The following SSBP1 variants were observed in gnomAD, a reference collection of about 807,000 sequenced individuals.
The protein encoded by SSBP1 is single-stranded DNA-binding protein, mitochondrial.
A neutral mutation model predicts 27.0 loss-of-function variants in SSBP1; 20 were observed. The observed-to-expected ratio is 0.74, with a 90% CI of 0.52 to 1.08. The LOEUF (loss-of-function observed/expected upper bound fraction) is 1.08, where lower values mean the gene tolerates loss of function less well. Ranked by LOEUF, SSBP1 falls within the 50% of genes least tolerant of loss-of-function variation. SSBP1 has a pLI of 0.00. For synonymous variants in SSBP1, 59 were observed against 59.3 expected (o/e 1.00, Z 0.02); for missense variants, 137 against 182.4 (o/e 0.75, Z 1.44).
Position 141,750,363 on chromosome 7 carries a change from ATTC to A in SSBP1, c.*15_*17del, listed in dbSNP as rs372771747. On this transcript the variant is annotated 3_prime_UTR_variant, in exon 7 of 7. Coordinates refer to ENST00000265304, the MANE Select transcript of SSBP1 (RefSeq NM_003143.3). ...CGAAAGAGAAGGAGTAGAAAGGATGATTCTTCTTTGGCCATCATTTGGTACAGT... is the reference window on the plus strand; with the variant it reads ...CGAAAGAGAAGGAGTAGAAAGGATGATTCTTTGGCCATCATTTGGTACAGT... The A allele has an allele frequency of 8.5e-5, 136 of 1,596,552 alleles. 1 individual carries two copies. The African/African-American group carries it at 1.7e-3, about 20-fold the overall frequency.
chr7:141,747,492 C>T (rs1052011215), intron 6 of SSBP1, among the ~76,000 whole-genome samples: 7 of 148,848 alleles, frequency 4.7e-5, no homozygotes, highest in South Asian at 4.3e-4. Flanking sequence ...CGGGTTCAAG[C>T]GATTCTCCTG....
Position 141,743,823 on chromosome 7 carries a change from C to G in SSBP1, c.227-79C>G. ...ATCTGTCTTTCATTCTGTTTGTTCT[C>G]TTAGAAATCGTGACATTGGTTTTCC... On this transcript the variant is annotated intron_variant, in intron 4 of 6. Coordinates refer to ENST00000265304, the MANE Select transcript of SSBP1 (RefSeq NM_003143.3). The G allele has an allele frequency of 1.9e-6, 3 of 1,552,316 alleles. No individual in the cohort carries two copies. In the African/African-American group the frequency reaches 4.1e-5, roughly 21 times the overall value.
chr7:141,739,227 C>G, intron 2 of SSBP1, 37 bp downstream of exon 2: 1 of 1,523,724 alleles, frequency 6.6e-7, no homozygotes, highest in Non-Finnish European at 8.9e-7. Flanking sequence ...AGATGTATTA[C>G]TATCAGCCAC....
chr7:141,742,046 C>T (rs1799555608), intron 2 of SSBP1, 123 bp from the exon 3 acceptor site: 1 of 730,700 alleles, frequency 1.4e-6, no homozygotes. Flanking sequence ...AGAAGAGCTT[C>T]TCTTCTCTTC....
chr7:141,744,277 G>A (rs1380217305), intron 5 of SSBP1, among the ~76,000 whole-genome samples: 1 of 152,234 alleles, frequency 6.6e-6, no homozygotes, highest in Non-Finnish European at 1.5e-5. Flanking sequence ...AGAAGGCAAA[G>A]TGTATCAAGT....
At position 141,750,327 on chromosome 7, in the gene SSBP1, G is replaced by C; in HGVS notation, c.420G>C (p.Leu140=). 6.3e-7 allele frequency: 1 copy of C among 1,599,714 alleles called. No individual in the cohort carries two copies. The highest frequency in any genetic ancestry group is 8.5e-7 in the Non-Finnish European group (1 of 1,175,606). ...TTIIADNIIF[L]SDQTKEKE ...TTTTTACAGATAATATTATATTTCT[G>C]AGTGACCAGACGAAAGAGAAGGAGT... is the stretch of plus-strand genomic sequence containing the variant. Residue 140 remains leucine (L), a synonymous_variant, in exon 7 of 7, where the codon CTG becomes CTC. Transcript: ENST00000265304.
chr7:141,745,946 A>C, intron 6 of SSBP1: 1 of 1,012,190 alleles, frequency 9.9e-7, no homozygotes. Context: ...GAATTACACT[A>C]ATGTGAGTGT....
chr7:141,744,060 A>T (rs533493998), intron 5 of SSBP1, 71 bp downstream of exon 5: 3 of 1,346,398 alleles, frequency 2.2e-6, no homozygotes, highest in East Asian at 4.7e-5. Flanking sequence ...TCTCATGGCA[A>T]GGAGTGTGTA....
At chr7:141,743,812 C>T in intron 4 of SSBP1, 90 bp from the exon 5 acceptor site, 1 of 1,540,348 alleles carries the variant, frequency 6.5e-7, no homozygotes, top group South Asian at 1.2e-5. Flanking sequence ...GTCTTTCATT[C>T]TGTTTGTTCT....
chr7:141,750,226 A>G, intron 6 of SSBP1, 85 bp from the exon 7 acceptor site: 1 of 977,350 alleles, frequency 1.0e-6, no homozygotes, highest in East Asian at 2.6e-5. Flanking sequence ...GAACAGCACT[A>G]AAGTTATATG....
At chr7:141,745,120 GATAA>G (rs1198639220) in intron 5 of SSBP1, among the ~76,000 whole-genome samples, 1 of 152,150 alleles carries the variant, frequency 6.6e-6, no homozygotes, top group Admixed American at 6.5e-5. Flanking sequence ...GAAAATAATT[GATAA>G]ATAAGTGAAA....
chr7:141,744,039 A>G (rs1799672014), intron 5 of SSBP1, 50 bp downstream of exon 5: 2 of 1,525,890 alleles, frequency 1.3e-6, no homozygotes, highest in Non-Finnish European at 9.0e-7. Flanking sequence ...TAAAGAACCG[A>G]TAAGAAGTGT....
intron 2 of SSBP1, chr7:141,741,587 G>T (rs1187636321): frequency 6.5e-6 from 1 of 153,584 alleles, no homozygotes; most frequent in Non-Finnish European, 1.4e-5. Context: ...TCTAATGATG[G>T]ATTAAATCAG....
chr7:141,746,978 C>A (rs986198736), intron 6 of SSBP1, among the ~76,000 whole-genome samples: 1 of 152,002 alleles, frequency 6.6e-6, no homozygotes, highest in African/African-American at 2.4e-5. Context: ...TTATTTTCCC[C>A]TCAGAAGTGT....
At chr7:141,743,100 G>T (rs13227309) in intron 3 of SSBP1, among the ~76,000 whole-genome samples, 2 of 152,114 alleles carry the variant, frequency 1.3e-5, no homozygotes, top group Non-Finnish European at 2.9e-5. Context: ...TGATCCGCCC[G>T]CCTTGGCCTC....
At chr7:141,747,952 C>T (rs1398365525) in intron 6 of SSBP1, among the ~76,000 whole-genome samples, 4 of 139,940 alleles carry the variant, frequency 2.9e-5, no homozygotes. Context: ...GAATTGAGAT[C>T]ACACCACTGC....
chr7:141,742,007 GC>G, intron 2 of SSBP1, among the ~76,000 whole-genome samples, 161 bp from the exon 3 acceptor site: 1 of 152,260 alleles, frequency 6.6e-6, no homozygotes, highest in Non-Finnish European at 1.5e-5. Flanking sequence ...GTTTGCCGGG[GC>G]CTTCTGGCAC....
intron 1 of SSBP1, chr7:141,738,882 T>G: frequency 2.8e-6 from 1 of 354,788 alleles, no homozygotes; most frequent in Non-Finnish European, 5.1e-6. Flanking sequence ...TAACTCAGAA[T>G]CAAAATTTTG....
intron 2 of SSBP1, chr7:141,739,719 C>T (rs1311413447): frequency 6.6e-6 from 1 of 152,180 alleles, no homozygotes; most frequent in African/African-American, 2.4e-5. Context: ...CTTAGACTAC[C>T]ATTTTTCCTC....
Sources: allele counts gnomAD v4.1 joint callset (sites outside exome capture counted in the v4.1 genomes callset), GRCh38; gene constraint gnomAD v4.1.1; transcripts MANE v1.5; gene names NCBI Gene and HGNC (gene_info 2026-07-23, HGNC 2026-07-21).